The following SLC31A2 variants were observed in gnomAD, a reference collection of about 807,000 sequenced individuals.
SLC31A2 encodes the protein solute carrier family 31 member 2, also known as protein SLC31A2.
Under a neutral mutation model 14.4 loss-of-function variants are expected in SLC31A2, and 16 were observed. The observed-to-expected ratio is 1.11, with a 90% CI of 0.75 to 1.69. SLC31A2 has a LOEUF of 1.69. Among genes scored for constraint, SLC31A2 ranks in the 40% most tolerant of loss-of-function variants. The pLI is 0.00. For synonymous variants in SLC31A2, 56 were observed against 68.7 expected, an observed-to-expected ratio of 0.82 and a Z score of 0.91; for missense variants, 140 against 173.9, an observed-to-expected ratio of 0.81 and a Z score of 1.10.
chr9:113,156,946 C>G (rs1426226478), intron 1 of SLC31A2, among the ~76,000 whole-genome samples: 1 of 152,216 alleles, frequency 6.6e-6, no homozygotes, highest in Non-Finnish European at 1.5e-5. Flanking sequence ...AGTCTAGTTT[C>G]CCTAACTTTC....
intron 3 of SLC31A2, chr9:113,162,052 C>T: frequency 5.3e-6 from 2 of 375,568 alleles, no homozygotes; most frequent in Non-Finnish European, 1.0e-5. Flanking sequence ...AGGGGATCTG[C>T]AGCTGTCCTG....
chr9:113,154,442 C>T (rs1829908426), intron 1 of SLC31A2, among the ~76,000 whole-genome samples: 1 of 152,202 alleles, frequency 6.6e-6, no homozygotes, highest in Non-Finnish European at 1.5e-5. Flanking sequence ...GCCTTGCTGC[C>T]TCTGTTCAAA....
Position 113,151,013 on chromosome 9 carries a change from A to G in SLC31A2, c.-62A>G. On this transcript the variant is annotated 5_prime_UTR_variant, in exon 1 of 4. Transcript: ENST00000259392. This position sits in a 1 kb window ranked among gnomAD's most constrained non-coding sequence, Gnocchi z 4.2. ...GGCGGCGGCGGCGGCGGTTGAACTG[A>G]CTCGGAGCGAGGAGACCCGAGCGAG... The G allele has an allele frequency of 7.7e-7, 1 of 1,290,560 alleles. No homozygotes were observed. Among genetic ancestry groups the G allele is most frequent in the Non-Finnish European group, 9.9e-7 (1 of 1,014,560 alleles). The allele number at this position is 1,290,560 out of a possible 1,614,324, so 79.9% of individuals were successfully genotyped here.
In SLC31A2 at chr9:113,161,505, A is replaced by G. The variant is rs367894661; in HGVS notation, c.74-4A>G. 6.2e-7 allele frequency: 1 copy of G among 1,613,522 alleles called. No individual in the cohort carries two copies. The highest frequency in any genetic ancestry group is 8.5e-7 in the Non-Finnish European group (1 of 1,179,722). On this transcript the variant is annotated splice_polypyrimidine_tract_variant and splice_region_variant and intron_variant, in intron 2 of 3. Coordinates refer to ENST00000259392, the MANE Select transcript of SLC31A2 (RefSeq NM_001860.3). ...GGTCTCCACAACTCTGCCTCCTTTGACAGGCATGGCCCTTTCGGTGTTGGT... is the reference window on the plus strand; with the variant it reads ...GGTCTCCACAACTCTGCCTCCTTTGGCAGGCATGGCCCTTTCGGTGTTGGT...
intron 2 of SLC31A2, among the ~76,000 whole-genome samples, chr9:113,160,781 G>A (rs2118835592): frequency 6.6e-6 from 1 of 152,264 alleles, no homozygotes; most frequent in South Asian, 2.1e-4. Flanking sequence ...AGGAGCCTCA[G>A]CCATCAGTCA....
chr9:113,161,998 C>T (rs12378957), intron 3 of SLC31A2: 32,063 of 475,548 alleles, frequency 0.067, 1,424 homozygotes, highest in South Asian at 0.14. Context: ...CACCCTCCCC[C>T]AAATCTCACC....
intron 1 of SLC31A2, among the ~76,000 whole-genome samples, chr9:113,157,259 C>G (rs1335942025): frequency 6.6e-6 from 1 of 152,208 alleles, no homozygotes; most frequent in Non-Finnish European, 1.5e-5. Context: ...AGACAGCTGC[C>G]TCTGGGCCCC....
chr9:113,162,776 T>C lies in SLC31A2; in HGVS notation c.291T>C (p.Ser97=), dbSNP rs1357102462. Reference sequence around the variant, plus strand: ...GGTATTTGTGTCACTTTGGCCAGTCTCTAATCCATGTCATCCAGGTGGTCA... The same window carrying C: ...GGTATTTGTGTCACTTTGGCCAGTCCCTAATCCATGTCATCCAGGTGGTCA... ...HRWYLCHFGQ[S]LIHVIQVVIG... Residue 97 remains serine, a synonymous_variant, in exon 4 of 4, where the codon TCT becomes TCC. Transcript: ENST00000259392. The C allele has an allele frequency of 1.9e-6, 3 of 1,613,766 alleles. No homozygotes were observed. The highest frequency in any genetic ancestry group is 3.3e-5 in the Admixed American group (2 of 59,988).
chr9:113,163,879 G>GA lies in SLC31A2; in HGVS notation c.*965dup, dbSNP rs201909352. 1.3e-5 allele frequency: 2 copies of GA among 150,724 alleles called. No individual in the cohort carries two copies. Among genetic ancestry groups the GA allele is most frequent in the East Asian group, 2.0e-4 (1 of 5,042 alleles). 9.3% of individuals were successfully genotyped at this position (150,724 alleles called of 1,614,324 possible). A position where few individuals can be genotyped will look rare whatever the true frequency, so the allele number is the denominator to read the frequency against. Reference sequence around the variant, plus strand: ...TGCTTACTCGTAATGATCTAGTGGGGAAACATGATTCATTCACTTAAAATA... The same window carrying GA: ...TGCTTACTCGTAATGATCTAGTGGGGAAAACATGATTCATTCACTTAAAATA... On this transcript the variant is annotated 3_prime_UTR_variant, in exon 4 of 4. Transcript: ENST00000259392.
At chr9:113,158,766 A>G (rs4246897) in intron 2 of SLC31A2, among the ~76,000 whole-genome samples, 124,277 of 151,660 alleles carry the variant, frequency 0.82, 51,002 homozygotes, top group South Asian at 0.89. Flanking sequence ...AAATCAGATA[A>G]AATTACTTCT....
rs1432087856 is a variant in SLC31A2 at position 113,163,602 on chromosome 9, AGAG to A, written c.*686_*688del. ...TGAGACCTATTTCCCTTTCTTGGGG[AGAG>A]AATAAGTGACAGCTGATTAAAGGCA... is the stretch of plus-strand genomic sequence containing the variant. On this transcript the variant is annotated 3_prime_UTR_variant, in exon 4 of 4. Coordinates refer to ENST00000259392, the MANE Select transcript of SLC31A2 (RefSeq NM_001860.3). The A allele has an allele frequency of 1.3e-5, 2 of 152,432 alleles. No individual in the cohort carries two copies. The highest frequency in any genetic ancestry group is 4.8e-5 in the African/African-American group (2 of 41,406). 9.4% of individuals were successfully genotyped at this position (152,432 alleles called of 1,614,324 possible).
chr9:113,158,785 T>C (rs548797823), intron 2 of SLC31A2, among the ~76,000 whole-genome samples: 1 of 152,322 alleles, frequency 6.6e-6, no homozygotes, highest in Admixed American at 6.5e-5. Flanking sequence ...CTACCTTTAT[T>C]GGCTGAAGCA....
At chr9:113,159,845 T>A (rs909164996) in intron 2 of SLC31A2, among the ~76,000 whole-genome samples, 1 of 152,176 alleles carries the variant, frequency 6.6e-6, no homozygotes, top group Non-Finnish European at 1.5e-5. Context: ...AATTATTTGA[T>A]AGAATGGTTC....
chr9:113,157,609 T>A, intron 1 of SLC31A2, 118 bp from the exon 2 acceptor site: 1 of 790,824 alleles, frequency 1.3e-6, no homozygotes, highest in Non-Finnish European at 2.1e-6. Flanking sequence ...CTGATGGCCC[T>A]TCCAGCACTT....
intron 2 of SLC31A2, among the ~76,000 whole-genome samples, chr9:113,160,711 G>A (rs1454298348): frequency 6.6e-6 from 1 of 152,044 alleles, no homozygotes; most frequent in African/African-American, 2.4e-5. Context: ...GTAGGGAGTG[G>A]GGCTGAAAGT....
At chr9:113,159,584 C>T (rs527919226) in intron 2 of SLC31A2, among the ~76,000 whole-genome samples, 13 of 152,298 alleles carry the variant, frequency 8.5e-5, no homozygotes, top group African/African-American at 2.2e-4. Flanking sequence ...CCTTTTCCTA[C>T]GCTCCACACA....
intron 2 of SLC31A2, among the ~76,000 whole-genome samples, chr9:113,159,413 A>T (rs1047046545): frequency 2.6e-5 from 4 of 152,140 alleles, no homozygotes; most frequent in Non-Finnish European, 5.9e-5. Context: ...GATTACAGGC[A>T]TGAGCTACCA....
chr9:113,152,450 C>T (rs1829880857), intron 1 of SLC31A2: 1 of 152,304 alleles, frequency 6.6e-6, no homozygotes, highest in South Asian at 2.1e-4. Context: ...GCTTCGGACT[C>T]CGTGGGTGTT....
In SLC31A2 at chr9:113,151,159, T is replaced by A; in HGVS notation, c.6+79T>A. The A allele has an allele frequency of 4.8e-6, 6 of 1,250,436 alleles. No individual in the cohort carries two copies. The highest frequency in any genetic ancestry group is 5.1e-6 in the Non-Finnish European group (5 of 983,462). 77.5% of individuals were successfully genotyped at this position (1,250,436 alleles called of 1,614,324 possible). The stretch of plus-strand genomic sequence containing the variant: ...GGAGCTGCCATCTCGGCACCCCGAA[T>A]CCTCGCTGCCGCTGGCCCGGGGCTG... On this transcript the variant is annotated intron_variant, in intron 1 of 3. Coordinates refer to ENST00000259392, the MANE Select transcript of SLC31A2 (RefSeq NM_001860.3). The surrounding 1 kb of genome is among the most constrained non-coding windows in gnomAD (Gnocchi z 4.2).
Sources: gnomAD v4.1 joint callset for allele counts (sites outside exome capture counted in the v4.1 genomes callset) on GRCh38, gnomAD v4.1.1 for gene constraint, Gnocchi (gnomAD v3.1) non-coding constraint, MANE v1.5 for transcripts, NCBI Gene and HGNC (gene_info 2026-07-23, HGNC 2026-07-21) for gene names.